CTNNBIP1: variants seen among roughly 807,000 people sequenced by gnomAD.
CTNNBIP1 encodes catenin beta interacting protein 1.
CTNNBIP1 carries 7 observed loss-of-function variants against 11.8 expected under a neutral mutation model. The observed-to-expected ratio is 0.60, with a 90% CI of 0.34 to 1.12. The LOEUF (loss-of-function observed/expected upper bound fraction) is 1.12. Ranked by LOEUF, CTNNBIP1 falls within the 50% of genes most tolerant of loss-of-function variation. The probability of loss-of-function intolerance (pLI) is 0.03; values close to 1 mark genes in which losing one functional copy is unlikely to be tolerated. For synonymous variants in CTNNBIP1, 58 were observed against 43.9 expected (o/e 1.32, Z -1.26); for missense variants, 101 against 113.4 (o/e 0.89, Z 0.50).
chr1:9,895,745 C>T (rs977680287), intron 1 of CTNNBIP1, among the ~76,000 whole-genome samples: 1 of 152,148 alleles, frequency 6.6e-6, no homozygotes, highest in African/African-American at 2.4e-5. Context: ...GATCCACCCG[C>T]CTTGGCCTCC....
intron 1 of CTNNBIP1, among the ~76,000 whole-genome samples, chr1:9,894,831 C>T (rs779421825): frequency 1.3e-5 from 2 of 151,944 alleles, no homozygotes; most frequent in Non-Finnish European, 2.9e-5. Flanking sequence ...ATTTCCGCCT[C>T]CCGGGTTCAA....
At chr1:9,853,812 A>T (rs908558701) in intron 5 of CTNNBIP1, among the ~76,000 whole-genome samples, 1 of 152,220 alleles carries the variant, frequency 6.6e-6, no homozygotes, top group Non-Finnish European at 1.5e-5. Flanking sequence ...AGATAAGGAT[A>T]GCCAAAACCC....
intron 5 of CTNNBIP1, among the ~76,000 whole-genome samples, chr1:9,864,462 A>G (rs1220409): frequency 0.25 from 37,521 of 152,096 alleles, 4,800 homozygotes; most frequent in African/African-American, 0.28. Flanking sequence ...CTGAGTAGCC[A>G]GGACTACAGG....
At chr1:9,900,009 G>C (rs974246197) in intron 1 of CTNNBIP1, among the ~76,000 whole-genome samples, 1 of 152,098 alleles carries the variant, frequency 6.6e-6, no homozygotes, top group South Asian at 2.1e-4. Flanking sequence ...AGGAGGCAGA[G>C]GTTGAAGTGA....
chr1:9,885,866 A>T (rs1290006449), intron 1 of CTNNBIP1, among the ~76,000 whole-genome samples: 1 of 150,068 alleles, frequency 6.7e-6, no homozygotes, highest in Non-Finnish European at 1.5e-5. Context: ...TGGGAGGCAG[A>T]GGTTGTGGTG....
intron 1 of CTNNBIP1, among the ~76,000 whole-genome samples, chr1:9,899,357 G>A (rs1639474728): frequency 6.6e-6 from 1 of 150,794 alleles, no homozygotes; most frequent in Non-Finnish European, 1.5e-5. Context: ...CCAGGAGGCT[G>A]AGGCAGGAGA....
chr1:9,864,701 A>G (rs1638708346), intron 5 of CTNNBIP1, among the ~76,000 whole-genome samples: 1 of 152,194 alleles, frequency 6.6e-6, no homozygotes, highest in African/African-American at 2.4e-5. Flanking sequence ...TGGCCTTTGC[A>G]AAGCACCATC....
Position 9,872,192 on chromosome 1 carries a change from AC to A in CTNNBIP1, c.-24-105del. On this transcript the variant is annotated intron_variant, in intron 3 of 5. Transcript: ENST00000377263. This position sits in a 1 kb window ranked among gnomAD's most constrained non-coding sequence, Gnocchi z 4.0. ...TCACTCCTCCCAGGAGCCGCTTTCC[AC>A]CCACAGTCTCCCTTCTGGGAGCATG... 1 of 714,264 alleles carries A rather than the reference AC, an allele frequency of 1.4e-6. No individual in the cohort carries two copies. The highest frequency in any genetic ancestry group is 2.4e-6 in the Non-Finnish European group (1 of 410,710). The allele number at this position is 714,264 out of a possible 1,614,324, so 44.2% of individuals were successfully genotyped here. A position where few individuals can be genotyped will look rare whatever the true frequency, so the allele number is the denominator to read the frequency against.
chr1:9,881,621 G>A (rs954389502), intron 2 of CTNNBIP1, among the ~76,000 whole-genome samples: 4 of 152,086 alleles, frequency 2.6e-5, no homozygotes, highest in East Asian at 3.9e-4. Flanking sequence ...TTATAGGCAT[G>A]AGCCACCACG....
Position 9,850,585 on chromosome 1 carries a change from G to C in CTNNBIP1, c.*133C>G. The stretch of plus-strand genomic sequence containing the variant: ...GCCCCACTGAGTAGCTGTGAGGTGG[G>C]GTGGGGCAGGGCAGGGTTGGGTAGG... On this transcript the variant is annotated 3_prime_UTR_variant, in exon 6 of 6. Transcript: ENST00000377263. 1.3e-6 allele frequency: 1 copy of C among 740,976 alleles called. No homozygotes were observed. The highest frequency in any genetic ancestry group is 2.4e-6 in the Non-Finnish European group (1 of 413,134). The allele number at this position is 740,976 out of a possible 1,614,324, so 45.9% of individuals were successfully genotyped here. A position where few individuals can be genotyped will look rare whatever the true frequency, so the allele number is the denominator to read the frequency against.
chr1:9,874,501 G>A (rs1033185734), intron 3 of CTNNBIP1, among the ~76,000 whole-genome samples: 27 of 152,186 alleles, frequency 1.8e-4, no homozygotes, highest in Admixed American at 1.7e-3. Flanking sequence ...CAATCCTCCT[G>A]CCTTGGTCTC....
rs763818220 is a variant in CTNNBIP1 at position 9,872,000 on chromosome 1, A to G, written c.65T>C (p.Val22Ala). The change falls in exon 4 of 6, where the codon GTG becomes GCG. Residue 22 changes from valine to alanine, a missense_variant. Val to Ala is a moderately conservative substitution (Grantham distance 64). Transcript: ENST00000377263. The surrounding 1 kb of genome is among the most constrained non-coding windows in gnomAD (Gnocchi z 5.2). The part of the protein sequence containing the change: ...EEMYIQQKVR[V>A]LLMLRKMGSN... ...TCCCATCTTCCGCAGCATGAGCAGC[A>G]CTCGGACCTTCTGCTGAATGTACAT... 3 of 1,614,124 alleles carry G rather than the reference A, an allele frequency of 1.9e-6. No homozygotes were observed. The South Asian group carries it at 3.3e-5, about 18-fold the overall frequency.
intron 1 of CTNNBIP1, among the ~76,000 whole-genome samples, chr1:9,884,330 G>A (rs1040650349): frequency 5.9e-5 from 9 of 152,150 alleles, no homozygotes; most frequent in African/African-American, 2.2e-4. Context: ...TTGGGGCAGG[G>A]CAGTCTGGGG....
At chr1:9,864,985 T>C (rs1423745978) in intron 5 of CTNNBIP1, among the ~76,000 whole-genome samples, 2 of 152,178 alleles carry the variant, frequency 1.3e-5, no homozygotes, top group Non-Finnish European at 2.9e-5. Flanking sequence ...TCCCAGCACC[T>C]TGGGAGGCCA....
In CTNNBIP1 at chr1:9,855,753, G is replaced by A. The variant is rs1460083993; in HGVS notation, c.188-4977C>T. 9.4e-5 allele frequency among the ~76,000 whole-genome samples: 14 copies of A among 149,266 alleles called. 1 individual carries two copies. In the East Asian group the frequency reaches 2.1e-3, roughly 23 times the overall value. Reference sequence around the variant, plus strand: ...TTTTTTTTTTTTTTTTCCTGGACAGGGTCTTGCTCTGTCACGCAGGCTAGA... The same window carrying A: ...TTTTTTTTTTTTTTTTCCTGGACAGAGTCTTGCTCTGTCACGCAGGCTAGA... On this transcript the variant is annotated intron_variant, in intron 5 of 5. Transcript: ENST00000377263.
At chr1:9,901,586 C>T (rs992596121) in intron 1 of CTNNBIP1, among the ~76,000 whole-genome samples, 1 of 152,000 alleles carries the variant, frequency 6.6e-6, no homozygotes, top group Admixed American at 6.6e-5. Context: ...GGGTGCTACT[C>T]GGGCCTGAAA....
At chr1:9,857,236 T>G (rs1366977450) in intron 5 of CTNNBIP1, among the ~76,000 whole-genome samples, 1 of 152,002 alleles carries the variant, frequency 6.6e-6, no homozygotes, top group African/African-American at 2.4e-5. Context: ...ATCCCAGCAC[T>G]TTGGGGGGCC....
intron 2 of CTNNBIP1, among the ~76,000 whole-genome samples, chr1:9,881,196 G>A (rs899498354): frequency 6.6e-6 from 1 of 151,704 alleles, no homozygotes; most frequent in African/African-American, 2.4e-5. Context: ...CACCATATCC[G>A]GCTAATTTTT....
intron 5 of CTNNBIP1, among the ~76,000 whole-genome samples, chr1:9,853,676 T>C (rs1638439403): frequency 6.6e-6 from 1 of 152,250 alleles, no homozygotes; most frequent in African/African-American, 2.4e-5. Flanking sequence ...CCCCCCTTGG[T>C]ATCTCTGTTG....
Sources: allele counts gnomAD v4.1 joint callset (sites outside exome capture counted in the v4.1 genomes callset), GRCh38; gene constraint gnomAD v4.1.1; non-coding constraint Gnocchi (gnomAD v3.1); transcripts MANE v1.5; gene names NCBI Gene and HGNC (gene_info 2026-07-23, HGNC 2026-07-21).